The following ARL8A variants were observed in gnomAD, a reference collection of about 807,000 sequenced individuals.
ARL8A encodes ARF like GTPase 8A.
Under a neutral mutation model 31.2 loss-of-function variants are expected in ARL8A, and 10 were observed. The observed-to-expected ratio is 0.32, with a 90% confidence interval of 0.20 to 0.54. The LOEUF is 0.54. ARL8A is among the 20% of genes least tolerant of loss of function. The pLI, the probability that ARL8A is intolerant of heterozygous loss-of-function variation, is 0.93. For synonymous variants in ARL8A, 70 were observed against 86.9 expected (o/e 0.81, Z 1.08); for missense variants, 129 against 242.8 (o/e 0.53, Z 3.12).
Position 202,144,468 on chromosome 1 carries a change from G to A in ARL8A, c.105C>T (p.Thr35=), listed in dbSNP as rs1369330581. The change falls in exon 1 of 7, where the codon ACC becomes ACT. Residue 35 remains threonine (T), a synonymous_variant. Transcript: ENST00000272217. The surrounding 1 kb of genome is among the most constrained non-coding windows in gnomAD (Gnocchi z 5.2). ...LVGLQYSGKT[T]FVNVIASGQF... is the part of the protein sequence containing the mutation. ...CTCGTACCGCGATCACGTTGACGAA[G>A]GTGGTCTTGCCCGAGTACTGAAGCC... 4 of 1,459,882 alleles carry A rather than the reference G, an allele frequency of 2.7e-6. No individual in the cohort carries two copies. The highest frequency in any genetic ancestry group is 1.5e-5 in the African/African-American group (1 of 68,122). The allele number at this position is 1,459,882 out of a possible 1,614,324, so 90.4% of individuals were successfully genotyped here.
intron 1 of ARL8A, among the ~76,000 whole-genome samples, chr1:202,143,806 G>GT (rs1048060940): frequency 4.6e-5 from 7 of 152,184 alleles, no homozygotes; most frequent in African/African-American, 1.7e-4. Flanking sequence ...CCAAACTCCC[G>GT]TTACCATGCG....
In ARL8A at chr1:202,134,253, G is replaced by A; in HGVS notation, c.*214C>T. ...GATGGGACAAAGGCAGCGGGGAAGG[G>A]TGAGAAGTTAGGGGACCAGAATGGG... On this transcript the variant is annotated 3_prime_UTR_variant, in exon 7 of 7. Transcript: ENST00000272217. The surrounding 1 kb of genome is among the most constrained non-coding windows in gnomAD (Gnocchi z 4.2). 2 of 564,628 alleles carry A rather than the reference G, an allele frequency of 3.5e-6. No individual in the cohort carries two copies. The highest frequency in any genetic ancestry group is 4.0e-5 in the South Asian group (2 of 49,590). 35.0% of individuals were successfully genotyped at this position (564,628 alleles called of 1,614,324 possible).
Position 202,134,984 on chromosome 1 carries a change from C to T in ARL8A, c.511+166G>A, listed in dbSNP as rs1192160154. ...TGCCCGAGATCACACAACCGCTTGG[C>T]GACAAGCTGGGATAGTGCCCAGAAT... On this transcript the variant is annotated intron_variant, in intron 6 of 6. Coordinates refer to ENST00000272217, the MANE Select transcript of ARL8A (RefSeq NM_138795.4). This position sits in a 1 kb window ranked among gnomAD's most constrained non-coding sequence, Gnocchi z 4.2. Among the ~76,000 whole-genome samples the T allele has an allele frequency of 6.6e-6, 1 of 152,148 alleles. No homozygotes were observed. The highest frequency in any genetic ancestry group is 1.9e-4 in the East Asian group (1 of 5,188).
At chr1:202,140,421 G>A (rs548072831) in intron 1 of ARL8A, among the ~76,000 whole-genome samples, 4 of 151,956 alleles carry the variant, frequency 2.6e-5, no homozygotes, top group South Asian at 2.1e-4. Flanking sequence ...GATTACAGGC[G>A]TGAGCCACCG....
chr1:202,144,396 A>C lies in ARL8A; in HGVS notation c.123+54T>G. 1 of 1,169,152 alleles carries C rather than the reference A, an allele frequency of 8.6e-7. No homozygotes were observed. The allele number at this position is 1,169,152 out of a possible 1,614,324, so 72.4% of individuals were successfully genotyped here. On this transcript the variant is annotated intron_variant, in intron 1 of 6. Coordinates refer to ENST00000272217, the MANE Select transcript of ARL8A (RefSeq NM_138795.4). This position sits in a 1 kb window ranked among gnomAD's most constrained non-coding sequence, Gnocchi z 5.2. ...TCAGCAGGGCGCGGCGCGGGCGGGG[A>C]CAGGCCCGACCCGCGGCCCGCGCCC...
chr1:202,141,640 C>T (rs1655167600), intron 1 of ARL8A, among the ~76,000 whole-genome samples: 1 of 143,464 alleles, frequency 7.0e-6, no homozygotes, highest in African/African-American at 2.7e-5. Context: ...AACACTCTGT[C>T]TCAAAAAAAA....
At position 202,144,345 on chromosome 1, in the gene ARL8A, C is replaced by T; in HGVS notation, c.123+105G>A. On this transcript the variant is annotated intron_variant, in intron 1 of 6. Coordinates refer to ENST00000272217, the MANE Select transcript of ARL8A (RefSeq NM_138795.4). This position sits in a 1 kb window ranked among gnomAD's most constrained non-coding sequence, Gnocchi z 5.2. ...CCCCCGCCCGGCGCCCGGCCGTGCC[C>T]GGCTATGCCAGGCGGCGACCCCGGC... The T allele has an allele frequency of 1.2e-6, 1 of 821,514 alleles. No homozygotes were observed. The allele number at this position is 821,514 out of a possible 1,614,324, so 50.9% of individuals were successfully genotyped here. A position where few individuals can be genotyped will look rare whatever the true frequency, so the allele number is the denominator to read the frequency against.
At position 202,135,435 on chromosome 1, in the gene ARL8A, G is replaced by A; in HGVS notation, c.440+24C>T. 6.2e-7 allele frequency: 1 copy of A among 1,610,270 alleles called. No individual in the cohort carries two copies. The highest frequency in any genetic ancestry group is 2.2e-5 in the East Asian group (1 of 44,850). The stretch of plus-strand genomic sequence containing the variant: ...GGTTGGGGAATTGGGAGAGCAGAAA[G>A]TAATATAGAGTCACCCAACTCACAT... On this transcript the variant is annotated intron_variant, in intron 5 of 6. Coordinates refer to ENST00000272217, the MANE Select transcript of ARL8A (RefSeq NM_138795.4). The surrounding 1 kb of genome is among the most constrained non-coding windows in gnomAD (Gnocchi z 5.3).
Position 202,134,462 on chromosome 1 carries a change from G to T in ARL8A, c.*5C>A. The T allele has an allele frequency of 6.2e-7, 1 of 1,612,360 alleles. No individual in the cohort carries two copies. Among genetic ancestry groups the T allele is most frequent in the African/African-American group, 1.3e-5 (1 of 74,952 alleles). ...TCCCTGGTCTGAGGGAGAAGGGCTG[G>T]AGTCTCAGCTTCTCCGTGACTTCGA... On this transcript the variant is annotated 3_prime_UTR_variant, in exon 7 of 7. Transcript: ENST00000272217. This position sits in a 1 kb window ranked among gnomAD's most constrained non-coding sequence, Gnocchi z 4.2.
At position 202,138,962 on chromosome 1, in the gene ARL8A, T is replaced by C. The variant is rs939573971; in HGVS notation, c.124-514A>G. 6.6e-6 allele frequency among the ~76,000 whole-genome samples: 1 copy of C among 152,234 alleles called. No homozygotes were observed. Among genetic ancestry groups the C allele is most frequent in the Non-Finnish European group, 1.5e-5 (1 of 68,048 alleles). On this transcript the variant is annotated intron_variant, in intron 1 of 6. Transcript: ENST00000272217. The surrounding 1 kb of genome is among the most constrained non-coding windows in gnomAD (Gnocchi z 4.4). ...GATTATCCATGGTTCAGTTTATTTG[T>C]ACTGTACTCCAGTTATTGGGAAGGA...
chr1:202,135,057 A>C lies in ARL8A; in HGVS notation c.511+93T>G. On this transcript the variant is annotated intron_variant, in intron 6 of 6. Transcript: ENST00000272217. This position sits in a 1 kb window ranked among gnomAD's most constrained non-coding sequence, Gnocchi z 5.3. ...CTACCCAAGAGCCACAGGGCTTTGG[A>C]CTTCAGGGAAAGTTGTGGAGCGAGA... 1 of 1,300,112 alleles carries C rather than the reference A, an allele frequency of 7.7e-7. No individual in the cohort carries two copies. Among genetic ancestry groups the C allele is most frequent in the Non-Finnish European group, 1.1e-6 (1 of 904,532 alleles). The allele number at this position is 1,300,112 out of a possible 1,614,324, so 80.5% of individuals were successfully genotyped here.
Position 202,138,389 on chromosome 1 carries a change from G to A in ARL8A, c.183C>T (p.Thr61=), listed in dbSNP as rs779195586. 1 of 1,613,746 alleles carries A rather than the reference G, an allele frequency of 6.2e-7. No individual in the cohort carries two copies. Residue 61 remains threonine (T), a synonymous_variant, in exon 2 of 7, where the codon ACC becomes ACT. Transcript: ENST00000272217. This position sits in a 1 kb window ranked among gnomAD's most constrained non-coding sequence, Gnocchi z 4.4. ...PTVGFNMRKI[T]KGNVTIKLWD... is the part of the protein sequence containing the mutation. ...TCACCTTGATAGTCACATTCCCTTT[G>A]GTGATTTTGCGCATGTTGAAACCCA... is the stretch of plus-strand genomic sequence containing the variant.
At chr1:202,143,488 C>G (rs1439826914) in intron 1 of ARL8A, among the ~76,000 whole-genome samples, 1 of 152,208 alleles carries the variant, frequency 6.6e-6, no homozygotes, top group Non-Finnish European at 1.5e-5. Flanking sequence ...CTGGACAACC[C>G]CAGCCCCTGT....
rs761693358 is a variant in ARL8A, at chr1:202,138,446, T to C, written c.126A>G (p.Ser42=). The part of the protein sequence containing the change: ...GKTTFVNVIA[S]GQFNEDMIPT... ...GGATCATGTCCTCGTTGAACTGTCC[T>C]GACTGGAAAGAAGACTCAGAATGGG... is the stretch of plus-strand genomic sequence containing the variant. Residue 42 remains serine (S), a splice_region_variant and synonymous_variant, in exon 2 of 7, where the codon TCA becomes TCG. Transcript: ENST00000272217. The surrounding 1 kb of genome is among the most constrained non-coding windows in gnomAD (Gnocchi z 4.4). The C allele has an allele frequency of 6.2e-7, 1 of 1,613,934 alleles. No individual in the cohort carries two copies. The highest frequency in any genetic ancestry group is 1.3e-5 in the African/African-American group (1 of 75,024).
In ARL8A at chr1:202,135,437, A is replaced by G. The variant is rs374952394; in HGVS notation, c.440+22T>C. ...TTGGGGAATTGGGAGAGCAGAAAGT[A>G]ATATAGAGTCACCCAACTCACATTT... is the stretch of plus-strand genomic sequence containing the variant. On this transcript the variant is annotated intron_variant, in intron 5 of 6. Transcript: ENST00000272217. This position sits in a 1 kb window ranked among gnomAD's most constrained non-coding sequence, Gnocchi z 5.3. The G allele has an allele frequency of 5.9e-5, 95 of 1,611,382 alleles. No homozygotes were observed. The highest frequency in any genetic ancestry group is 7.1e-5 in the Non-Finnish European group (84 of 1,177,668).
In ARL8A at chr1:202,144,068, C is replaced by A. The variant is rs552207934; in HGVS notation, c.123+382G>T. ...CCCTCTACCCGCGGGACAGGAAGGCCCGTGCACTTTCGCCCCGTCATGCCC... is the reference window on the plus strand; with the variant it reads ...CCCTCTACCCGCGGGACAGGAAGGCACGTGCACTTTCGCCCCGTCATGCCC... On this transcript the variant is annotated intron_variant, in intron 1 of 6. Transcript: ENST00000272217. This position sits in a 1 kb window ranked among gnomAD's most constrained non-coding sequence, Gnocchi z 5.2. Among the ~76,000 whole-genome samples, 7 of 152,318 alleles carry A rather than the reference C, an allele frequency of 4.6e-5. No homozygotes were observed. In the East Asian group the frequency reaches 1.2e-3, roughly 25 times the overall value.
chr1:202,141,619 G>A (rs1280091469), intron 1 of ARL8A, among the ~76,000 whole-genome samples: 2 of 150,750 alleles, frequency 1.3e-5, no homozygotes, highest in Admixed American at 6.6e-5. Context: ...TCCCAGCCTG[G>A]GTGATAGAGC....
chr1:202,134,716 A>G lies in ARL8A; in HGVS notation c.512-200T>C, dbSNP rs1654956423. Among the ~76,000 whole-genome samples, 1 of 152,188 alleles carries G rather than the reference A, an allele frequency of 6.6e-6. No individual in the cohort carries two copies. Among genetic ancestry groups the G allele is most frequent in the South Asian group, 2.1e-4 (1 of 4,830 alleles). The stretch of plus-strand genomic sequence containing the variant: ...ACCCAGGAGTGGAGTTGGAGGCTGC[A>G]GTGAGCTATGGTCACGCCACTGAAC... On this transcript the variant is annotated intron_variant, in intron 6 of 6. Coordinates refer to ENST00000272217, the MANE Select transcript of ARL8A (RefSeq NM_138795.4). The surrounding 1 kb of genome is among the most constrained non-coding windows in gnomAD (Gnocchi z 4.2).
In ARL8A at chr1:202,138,136, C is replaced by T; in HGVS notation, c.205-98G>A. The T allele has an allele frequency of 1.4e-6, 2 of 1,409,114 alleles. No individual in the cohort carries two copies. The highest frequency in any genetic ancestry group is 2.4e-5 in the South Asian group (2 of 84,762). 87.3% of individuals were successfully genotyped at this position (1,409,114 alleles called of 1,614,324 possible). A position where few individuals can be genotyped will look rare whatever the true frequency, so the allele number is the denominator to read the frequency against. On this transcript the variant is annotated intron_variant, in intron 2 of 6. Coordinates refer to ENST00000272217, the MANE Select transcript of ARL8A (RefSeq NM_138795.4). The surrounding 1 kb of genome is among the most constrained non-coding windows in gnomAD (Gnocchi z 4.4). ...CCCTCCTACCCTGCCCTACTCTCCT[C>T]TGCCTCCCCGGCTTCCTCTCCAGTT...
Sources: allele counts gnomAD v4.1 joint callset (sites outside exome capture counted in the v4.1 genomes callset), GRCh38; gene constraint gnomAD v4.1.1; non-coding constraint Gnocchi (gnomAD v3.1); transcripts MANE v1.5; gene names NCBI Gene and HGNC (gene_info 2026-07-23, HGNC 2026-07-21).